Variants in FMN1 observed in about 807,000 individuals in gnomAD.
FMN1 encodes formin 1.
FMN1 carries 110 observed loss-of-function variants against 132.4 expected under a neutral mutation model. That is an observed-to-expected ratio of 0.83 (90% confidence interval 0.71 to 0.97). FMN1 has a LOEUF of 0.97. Among genes scored for constraint, FMN1 ranks in the 50% least tolerant of loss-of-function variants. The pLI is 0.00. For synonymous variants in FMN1, 722 were observed against 651.7 expected, an observed-to-expected ratio of 1.11 and a Z score of -1.64; for missense variants, 1,792 against 1,705.3, an observed-to-expected ratio of 1.05 and a Z score of -0.90.
At chr15:33,169,598 A>C (rs752832194) in intron 3 of FMN1, among the ~76,000 whole-genome samples, 5 of 152,132 alleles carry the variant, frequency 3.3e-5, no homozygotes, top group Non-Finnish European at 7.4e-5. Flanking sequence ...CATCAGGAAG[A>C]TTTTACATTG....
chr15:32,820,546 C>T (rs1324338887), intron 17 of FMN1, among the ~76,000 whole-genome samples: 1 of 152,190 alleles, frequency 6.6e-6, no homozygotes, highest in African/African-American at 2.4e-5. Flanking sequence ...TCTTCTACAA[C>T]TCAAGTACTG....
chr15:33,051,604 G>A (rs945109894), intron 6 of FMN1, among the ~76,000 whole-genome samples: 18 of 152,148 alleles, frequency 1.2e-4, no homozygotes, highest in Admixed American at 2.0e-4. Flanking sequence ...TCAGGAGTTG[G>A]GTGAGTGGGC....
In FMN1 at chr15:33,154,476, G is replaced by A; in HGVS notation, c.439C>T (p.Pro147Ser). Residue 147 changes from proline to serine, a missense_variant, in exon 4 of 21, where the codon CCT becomes TCT. Pro to Ser is a moderately conservative substitution (Grantham distance 74). Transcript: ENST00000616417. The stretch of plus-strand genomic sequence containing the variant: ...CCGTGGGTGCTCCTCTTATTGAGAG[G>A]GCCCACGGGGAGCTCTCCCTGCCAG... Reference protein sequence around the residue: ...GDWQGELPVGPLNKRSTHGNK... With the variant: ...GDWQGELPVGSLNKRSTHGNK... 1 of 1,535,894 alleles carries A rather than the reference G, an allele frequency of 6.5e-7. No homozygotes were observed. The highest frequency in any genetic ancestry group is 8.7e-7 in the Non-Finnish European group (1 of 1,146,890).
chr15:33,143,998 G>A (rs1198640746), intron 4 of FMN1, among the ~76,000 whole-genome samples: 1 of 152,204 alleles, frequency 6.6e-6, no homozygotes, highest in Non-Finnish European at 1.5e-5. Context: ...ATGGAAATCA[G>A]TAGGGACAAA....
At chr15:33,019,043 G>A (rs1596482997) in intron 6 of FMN1, among the ~76,000 whole-genome samples, 2 of 152,230 alleles carry the variant, frequency 1.3e-5, no homozygotes, top group Admixed American at 6.5e-5. Flanking sequence ...GAGGACCTGA[G>A]CGGGTTACCA....
At chr15:33,015,973 C>G (rs754569469) in intron 6 of FMN1, among the ~76,000 whole-genome samples, 1 of 152,172 alleles carries the variant, frequency 6.6e-6, no homozygotes, top group Non-Finnish European at 1.5e-5. Context: ...CTTAGAAATG[C>G]AAATTCTTTC....
At chr15:33,076,245 A>G (rs1478507884) in intron 5 of FMN1, among the ~76,000 whole-genome samples, 1 of 152,208 alleles carries the variant, frequency 6.6e-6, no homozygotes, top group African/African-American at 2.4e-5. Flanking sequence ...AGCAGAAGGC[A>G]TGGAGTCTAT....
At chr15:32,988,295 G>C (rs1016538998) in intron 7 of FMN1, among the ~76,000 whole-genome samples, 4 of 152,024 alleles carry the variant, frequency 2.6e-5, no homozygotes, top group African/African-American at 7.2e-5. Context: ...TTGGGGAAGA[G>C]GAAGTATTTT....
At chr15:32,811,895 A>G (rs1416201292) in intron 17 of FMN1, among the ~76,000 whole-genome samples, 1 of 151,892 alleles carries the variant, frequency 6.6e-6, no homozygotes, top group Non-Finnish European at 1.5e-5. Flanking sequence ...TGATCCACCC[A>G]CCTCAGCCTC....
chr15:33,192,064 A>C (rs1966098804), intron 2 of FMN1, among the ~76,000 whole-genome samples: 1 of 152,240 alleles, frequency 6.6e-6, no homozygotes, highest in Non-Finnish European at 1.5e-5. Context: ...ACTGCAAGAT[A>C]TGAAATATCC....
chr15:32,824,655 G>A (rs766861503), intron 17 of FMN1, among the ~76,000 whole-genome samples: 1 of 152,148 alleles, frequency 6.6e-6, no homozygotes, highest in Non-Finnish European at 1.5e-5. Context: ...GCACAGTGGT[G>A]CAATCAAGGC....
At chr15:33,066,733 T>C in intron 5 of FMN1, 2 of 1,613,950 alleles carry the variant, frequency 1.2e-6, no homozygotes, top group Non-Finnish European at 1.7e-6. Flanking sequence ...TTTGTGGTAC[T>C]CCAGGGCCGC....
intron 7 of FMN1, among the ~76,000 whole-genome samples, chr15:33,006,134 T>A (rs938507618): frequency 4.6e-5 from 7 of 152,224 alleles, no homozygotes; most frequent in African/African-American, 1.7e-4. Flanking sequence ...AAAAGAAGGA[T>A]GTTTTCATAT....
intron 5 of FMN1, among the ~76,000 whole-genome samples, chr15:33,084,261 TG>T (rs2038604451): frequency 6.6e-6 from 1 of 152,222 alleles, no homozygotes; most frequent in Admixed American, 6.5e-5. Context: ...AACCCTTTCT[TG>T]GGGTCTGGAT....
At chr15:32,979,265 G>A (rs1175719721) in intron 7 of FMN1, among the ~76,000 whole-genome samples, 1 of 152,084 alleles carries the variant, frequency 6.6e-6, no homozygotes, top group African/African-American at 2.4e-5. Context: ...TGGAAAATAA[G>A]AAACCATTCG....
At chr15:32,868,660 A>C (rs917869644) in intron 16 of FMN1, among the ~76,000 whole-genome samples, 1 of 152,146 alleles carries the variant, frequency 6.6e-6, no homozygotes. Flanking sequence ...AGATGGAGGC[A>C]GGGGCTGGAG....
chr15:33,037,670 G>C (rs2036249509), intron 6 of FMN1, among the ~76,000 whole-genome samples: 1 of 152,186 alleles, frequency 6.6e-6, no homozygotes, highest in Non-Finnish European at 1.5e-5. Context: ...TTGCCACACA[G>C]AACTGACTCA....
intron 2 of FMN1, among the ~76,000 whole-genome samples, chr15:33,192,182 C>G (rs1966102955): frequency 6.6e-6 from 1 of 152,190 alleles, no homozygotes; most frequent in African/African-American, 2.4e-5. Flanking sequence ...GAATCCAAAA[C>G]TTTAACGTAA....
At chr15:32,884,555 G>C (rs347944) in intron 16 of FMN1, among the ~76,000 whole-genome samples, 4,851 of 152,244 alleles carry the variant, frequency 0.032, 252 homozygotes, top group African/African-American at 0.11. Flanking sequence ...AAGGCAACAT[G>C]TTCACAGATT....
Sources: allele counts gnomAD v4.1 joint callset (sites outside exome capture counted in the v4.1 genomes callset), GRCh38; gene constraint gnomAD v4.1.1; transcripts MANE v1.5; gene names NCBI Gene and HGNC (gene_info 2026-07-23, HGNC 2026-07-21).